The following TP53AIP1 variants were observed in gnomAD, a reference collection of about 807,000 sequenced individuals.
TP53AIP1 encodes tumor protein p53 regulated apoptosis inducing protein 1.
TP53AIP1 carries 14 observed loss-of-function variants against 9.5 expected under a neutral mutation model. The observed-to-expected ratio is 1.47, with a 90% CI of 0.97 to 2.30. The LOEUF is 2.30. TP53AIP1 is among the 30% of genes most tolerant of loss of function. TP53AIP1 has a pLI of 0.00. For synonymous variants in TP53AIP1, 73 were observed against 61.2 expected, an observed-to-expected ratio of 1.19 and a Z score of -0.90; for missense variants, 153 against 146.7, an observed-to-expected ratio of 1.04 and a Z score of -0.22.
rs1421151311 is a variant in TP53AIP1 at position 128,937,772 on chromosome 11, C to A, written c.47G>T (p.Cys16Phe). 6.2e-7 allele frequency: 1 copy of A among 1,613,968 alleles called. No homozygotes were observed. Among genetic ancestry groups the A allele is most frequent in the South Asian group, 1.1e-5 (1 of 91,052 alleles). ...CAGGCCCTGCCTCCTGGCCCCACTG[C>A]AGGAAGCTTGAGCAGATCTGAAGCT... The part of the protein sequence containing the change: ...EASFRSAQAS[C>F]SGARRQGLGR... The change falls in exon 2 of 4, where the codon TGC becomes TTC. Residue 16 changes from cysteine to phenylalanine, a missense_variant. Coordinates refer to ENST00000531399, the MANE Select transcript of TP53AIP1 (RefSeq NM_022112.3). The surrounding 1 kb of genome is among the most constrained non-coding windows in gnomAD (Gnocchi z 4.8).
rs180860221 is a variant in TP53AIP1, at chr11:128,935,542, G to A, written c.*49C>T. 2.5e-5 allele frequency: 37 copies of A among 1,472,268 alleles called. No homozygotes were observed. In the African/African-American group the frequency reaches 4.9e-4, roughly 19 times the overall value. 91.2% of individuals were successfully genotyped at this position (1,472,268 alleles called of 1,614,324 possible). On this transcript the variant is annotated 3_prime_UTR_variant, in exon 4 of 4. Coordinates refer to ENST00000531399, the MANE Select transcript of TP53AIP1 (RefSeq NM_022112.3). ...TGTTTGTTTGTTTTTGTTTTGAGAT[G>A]GAGTCTCTCTCTGTCGCCCAGGCTG...
Position 128,937,243 on chromosome 11 carries a change from CAA to C in TP53AIP1, c.141+433_141+434del. 7.9e-7 allele frequency: 1 copy of C among 1,269,682 alleles called. No individual in the cohort carries two copies. The highest frequency in any genetic ancestry group is 1.5e-5 in the African/African-American group (1 of 65,902). 78.7% of individuals were successfully genotyped at this position (1,269,682 alleles called of 1,614,324 possible). On this transcript the variant is annotated intron_variant, in intron 2 of 3. Coordinates refer to ENST00000531399, the MANE Select transcript of TP53AIP1 (RefSeq NM_022112.3). The surrounding 1 kb of genome is among the most constrained non-coding windows in gnomAD (Gnocchi z 4.8). ...ACTGGTGCTCCGAGGCCCATCTGGA[CAA>C]AAGCAGGATCCGGGGTGGACGCAGA...
chr11:128,935,344 A>C (rs1944791301), downstream of TP53AIP1: 2 of 1,417,028 alleles, frequency 1.4e-6, no homozygotes, highest in Non-Finnish European at 1.8e-6. Flanking sequence ...TGGATATTAT[A>C]GATTGGAATG....
At chr11:128,941,962 C>T (rs183717140) in intron 1 of TP53AIP1, among the ~76,000 whole-genome samples, 1 of 152,312 alleles carries the variant, frequency 6.6e-6, no homozygotes, top group Non-Finnish European at 1.5e-5. Context: ...ACAGGTGCCC[C>T]GCCCCATGCC....
chr11:128,936,636 A>G lies in TP53AIP1; in HGVS notation c.155T>C (p.Leu52Ser). The G allele has an allele frequency of 1.9e-6, 3 of 1,584,026 alleles. No homozygotes were observed. The highest frequency in any genetic ancestry group is 8.5e-7 in the Non-Finnish European group (1 of 1,173,056). ...THTPGWVSDP[L>S]VLGAQVHGGC... Reference sequence around the variant, plus strand: ...TCCGTGAACTTGGGCACCCAAAACTAAGGGATCTGAAACCTGAGAGGAAAT... The same window carrying G: ...TCCGTGAACTTGGGCACCCAAAACTGAGGGATCTGAAACCTGAGAGGAAAT... Residue 52 changes from leucine (L) to serine (S), a missense_variant, in exon 3 of 4, where the codon TTA (leucine) becomes TCA (serine). Leu to Ser is a moderately radical substitution (Grantham distance 145). Coordinates refer to ENST00000531399, the MANE Select transcript of TP53AIP1 (RefSeq NM_022112.3).
At chr11:128,940,171 G>A (rs1944913873) in intron 1 of TP53AIP1, among the ~76,000 whole-genome samples, 1 of 152,200 alleles carries the variant, frequency 6.6e-6, no homozygotes, top group Non-Finnish European at 1.5e-5. Context: ...CCCCTGCACA[G>A]GAACCCACTC....
Position 128,935,547 on chromosome 11 carries a change from C to A in TP53AIP1, c.*44G>T, listed in dbSNP as rs767359715. 4 of 1,527,336 alleles carry A rather than the reference C, an allele frequency of 2.6e-6. No individual in the cohort carries two copies. Among genetic ancestry groups the A allele is most frequent in the Non-Finnish European group, 3.5e-6 (4 of 1,143,310 alleles). 94.6% of individuals were successfully genotyped at this position (1,527,336 alleles called of 1,614,324 possible). On this transcript the variant is annotated 3_prime_UTR_variant, in exon 4 of 4. Coordinates refer to ENST00000531399, the MANE Select transcript of TP53AIP1 (RefSeq NM_022112.3). ...GTTTGTTTTTGTTTTGAGATGGAGT[C>A]TCTCTCTGTCGCCCAGGCTGGAGTG...
intron 1 of TP53AIP1, among the ~76,000 whole-genome samples, chr11:128,941,325 G>A (rs1009656068): frequency 8.5e-5 from 13 of 152,124 alleles, no homozygotes; most frequent in African/African-American, 1.4e-4. Flanking sequence ...TCTCTGAGAC[G>A]GAACAGGAAG....
intron 1 of TP53AIP1, among the ~76,000 whole-genome samples, chr11:128,941,064 G>A (rs941643073): frequency 5.3e-5 from 7 of 132,220 alleles, no homozygotes; most frequent in African/African-American, 1.3e-4. Context: ...TGCAGGGGGC[G>A]GGATGAGGAG....
In TP53AIP1 at chr11:128,935,535, T is replaced by C; in HGVS notation, c.*56A>G. 1.3e-6 allele frequency: 2 copies of C among 1,518,294 alleles called. No homozygotes were observed. Among genetic ancestry groups the C allele is most frequent in the Non-Finnish European group, 1.8e-6 (2 of 1,138,858 alleles). 94.1% of individuals were successfully genotyped at this position (1,518,294 alleles called of 1,614,324 possible). ...TTCTGTTTGTTTGTTTGTTTTTGTT[T>C]TGAGATGGAGTCTCTCTCTGTCGCC... On this transcript the variant is annotated 3_prime_UTR_variant, in exon 4 of 4. Transcript: ENST00000531399.
Position 128,935,925 on chromosome 11 carries a change from T to A in TP53AIP1, c.254-213A>T, listed in dbSNP as rs564268594. 1.6e-5 allele frequency: 20 copies of A among 1,277,334 alleles called. No homozygotes were observed. In the South Asian group the frequency reaches 3.5e-4, roughly 22 times the overall value. 79.1% of individuals were successfully genotyped at this position (1,277,334 alleles called of 1,614,324 possible). Reference sequence around the variant, plus strand: ...TAGATATCAAATGGGCCAACAAAAATGTATCTTGGAATAAACAAAATATGC... The same window carrying A: ...TAGATATCAAATGGGCCAACAAAAAAGTATCTTGGAATAAACAAAATATGC... On this transcript the variant is annotated intron_variant, in intron 3 of 3. Coordinates refer to ENST00000531399, the MANE Select transcript of TP53AIP1 (RefSeq NM_022112.3).
chr11:128,934,896 A>G (rs1944779721), downstream of TP53AIP1: 4 of 679,754 alleles, frequency 5.9e-6, no homozygotes, highest in South Asian at 6.2e-5. Flanking sequence ...CATGTAGACT[A>G]TGGCTCAGCT....
In TP53AIP1 at chr11:128,937,469, C is replaced by A; in HGVS notation, c.141+209G>T. On this transcript the variant is annotated intron_variant, in intron 2 of 3. Coordinates refer to ENST00000531399, the MANE Select transcript of TP53AIP1 (RefSeq NM_022112.3). The surrounding 1 kb of genome is among the most constrained non-coding windows in gnomAD (Gnocchi z 4.8). ...GAGGAGGAGGAGGGCTGGCCTTCCT[C>A]TTGGGACTATTGATCAGGGCTGTCA... is the stretch of plus-strand genomic sequence containing the variant. The A allele has an allele frequency of 6.5e-7, 1 of 1,540,630 alleles. No homozygotes were observed. Among genetic ancestry groups the A allele is most frequent in the Non-Finnish European group, 8.8e-7 (1 of 1,141,166 alleles).
At chr11:128,941,394 C>T (rs930772709) in intron 1 of TP53AIP1, among the ~76,000 whole-genome samples, 3 of 152,176 alleles carry the variant, frequency 2.0e-5, no homozygotes, top group Non-Finnish European at 4.4e-5. Context: ...CCCTCTGGGC[C>T]CCCACACATC....
rs780923717 is a variant in TP53AIP1, at chr11:128,937,754, T to C, written c.65A>G (p.Gln22Arg). Residue 22 changes from glutamine (Q) to arginine (R), a missense_variant, in exon 2 of 4, where the codon CAG becomes CGG. Coordinates refer to ENST00000531399, the MANE Select transcript of TP53AIP1 (RefSeq NM_022112.3). This position sits in a 1 kb window ranked among gnomAD's most constrained non-coding sequence, Gnocchi z 4.8. ...AQASCSGARRQGLGRGDQNLS... is the reference protein window; with the variant it reads ...AQASCSGARRRGLGRGDQNLS... ...GTTCTGGTCTCCCCTGCCCAGGCCCTGCCTCCTGGCCCCACTGCAGGAAGC... is the reference window on the plus strand; with the variant it reads ...GTTCTGGTCTCCCCTGCCCAGGCCCCGCCTCCTGGCCCCACTGCAGGAAGC... 1 of 1,613,574 alleles carries C rather than the reference T, an allele frequency of 6.2e-7. No individual in the cohort carries two copies. Among genetic ancestry groups the C allele is most frequent in the Non-Finnish European group, 8.5e-7 (1 of 1,179,668 alleles).
rs1179854940 is a variant in TP53AIP1, at chr11:128,935,559, C to T, written c.*32G>A. 2.6e-6 allele frequency: 4 copies of T among 1,535,950 alleles called. No homozygotes were observed. The highest frequency in any genetic ancestry group is 1.2e-5 in the South Asian group (1 of 82,974). On this transcript the variant is annotated 3_prime_UTR_variant, in exon 4 of 4. Coordinates refer to ENST00000531399, the MANE Select transcript of TP53AIP1 (RefSeq NM_022112.3). Reference sequence around the variant, plus strand: ...TTTGAGATGGAGTCTCTCTCTGTCGCCCAGGCTGGAGTGCAGTGGCGTGAT... The same window carrying T: ...TTTGAGATGGAGTCTCTCTCTGTCGTCCAGGCTGGAGTGCAGTGGCGTGAT...
Position 128,939,226 on chromosome 11 carries a change from T to C in TP53AIP1, c.-76-1332A>G, listed in dbSNP as rs1944895802. ...TGCGGCTCCCTTCCCCATCTGGTTC[T>C]GGGGAAGACACTCTGCACGCAGCCC... On this transcript the variant is annotated intron_variant, in intron 1 of 3. Coordinates refer to ENST00000531399, the MANE Select transcript of TP53AIP1 (RefSeq NM_022112.3). The surrounding 1 kb of genome is among the most constrained non-coding windows in gnomAD (Gnocchi z 4.1). 6.6e-6 allele frequency among the ~76,000 whole-genome samples: 1 copy of C among 152,138 alleles called. No homozygotes were observed. Among genetic ancestry groups the C allele is most frequent in the Non-Finnish European group, 1.5e-5 (1 of 68,040 alleles).
chr11:128,937,966 C>A lies in TP53AIP1; in HGVS notation c.-76-72G>T. On this transcript the variant is annotated intron_variant, in intron 1 of 3. Transcript: ENST00000531399. The surrounding 1 kb of genome is among the most constrained non-coding windows in gnomAD (Gnocchi z 4.8). The stretch of plus-strand genomic sequence containing the variant: ...GCTGGGCCAGCAATGATGATTTCTA[C>A]TGTTAGGGTTTCAGTTGTACTTGGA... 1 of 883,400 alleles carries A rather than the reference C, an allele frequency of 1.1e-6. No individual in the cohort carries two copies. The allele number at this position is 883,400 out of a possible 1,614,324, so 54.7% of individuals were successfully genotyped here.
rs753497169 is a variant in TP53AIP1, at chr11:128,937,650, C to T, written c.141+28G>A. 15 of 1,614,032 alleles carry T rather than the reference C, an allele frequency of 9.3e-6. No homozygotes were observed. The East Asian group carries it at 1.1e-4, about 12-fold the overall frequency. On this transcript the variant is annotated intron_variant, in intron 2 of 3. Transcript: ENST00000531399. This position sits in a 1 kb window ranked among gnomAD's most constrained non-coding sequence, Gnocchi z 4.8. Reference sequence around the variant, plus strand: ...CCCGGGGCTGTGGCAGGCAAAAGACCGTCTCGGTTTTCACTGCAGGGACTT... The same window carrying T: ...CCCGGGGCTGTGGCAGGCAAAAGACTGTCTCGGTTTTCACTGCAGGGACTT...
Sources: gnomAD v4.1 joint callset for allele counts (sites outside exome capture counted in the v4.1 genomes callset) on GRCh38, gnomAD v4.1.1 for gene constraint, Gnocchi (gnomAD v3.1) non-coding constraint, MANE v1.5 for transcripts, NCBI Gene and HGNC (gene_info 2026-07-23, HGNC 2026-07-21) for gene names.